The following PRKCB variants were observed in gnomAD, a reference collection of about 807,000 sequenced individuals.
The protein encoded by PRKCB is protein kinase C beta.
PRKCB carries 13 observed loss-of-function variants against 81.5 expected under a neutral mutation model. The ratio of observed to expected loss-of-function variants is 0.16; its 90% CI spans 0.10 to 0.25. PRKCB has a LOEUF of 0.25. Among genes scored for constraint, PRKCB ranks in the 10% least tolerant of loss-of-function variants. The pLI is 1.00. For missense variants in PRKCB, 509 were observed against 875.7 expected (o/e 0.58, Z 5.29); for synonymous variants, 335 against 321.4 (o/e 1.04, Z -0.45).
intron 5 of PRKCB, among the ~76,000 whole-genome samples, chr16:24,062,108 T>A (rs969066139): frequency 6.6e-6 from 1 of 152,184 alleles, no homozygotes; most frequent in Non-Finnish European, 1.5e-5. Flanking sequence ...ACTAATTGTA[T>A]CAGTAAGCAT....
At chr16:24,035,274 G>A in intron 4 of PRKCB, 145 bp from the exon 5 acceptor site, 2 of 1,012,776 alleles carry the variant, frequency 2.0e-6, no homozygotes, top group South Asian at 1.6e-5. Flanking sequence ...ATCCTGGCAG[G>A]CAAGTTGGTC....
intron 10 of PRKCB, among the ~76,000 whole-genome samples, chr16:24,171,075 T>G (rs534309461): frequency 1.3e-5 from 2 of 152,364 alleles, no homozygotes; most frequent in East Asian, 1.9e-4. Context: ...GGTGAGTACC[T>G]CAAAATTCAG....
At chr16:24,204,573 G>T (rs1252305790) in intron 16 of PRKCB, among the ~76,000 whole-genome samples, 2 of 152,094 alleles carry the variant, frequency 1.3e-5, no homozygotes, top group Non-Finnish European at 2.9e-5. Context: ...CAACAATGTG[G>T]GTTTAGGATG....
chr16:24,126,907 A>G (rs1430301903), intron 9 of PRKCB, among the ~76,000 whole-genome samples: 1 of 151,972 alleles, frequency 6.6e-6, no homozygotes, highest in Non-Finnish European at 1.5e-5. Context: ...TTATAAGCTC[A>G]AGCAATCATC....
At chr16:23,942,690 C>T (rs184378024) in intron 2 of PRKCB, among the ~76,000 whole-genome samples, 10 of 152,278 alleles carry the variant, frequency 6.6e-5, no homozygotes, top group African/African-American at 2.2e-4. Flanking sequence ...ATGAAAAATA[C>T]GAAAGCATGT....
In PRKCB at chr16:24,217,391, A is replaced by G; in HGVS notation, c.*2575A>G. 3 of 985,446 alleles carry G rather than the reference A, an allele frequency of 3.0e-6. No homozygotes were observed. The highest frequency in any genetic ancestry group is 3.6e-6 in the Non-Finnish European group (3 of 829,930). 61.0% of individuals were successfully genotyped at this position (985,446 alleles called of 1,614,324 possible). On this transcript the variant is annotated 3_prime_UTR_variant, in exon 17 of 17. Coordinates refer to ENST00000643927, the MANE Select transcript of PRKCB (RefSeq NM_002738.7). ...AAACAGAGCTTTTTGAAGAGAGGAC[A>G]GGGCCATAGCAACAAGGACCTTCTT... is the stretch of plus-strand genomic sequence containing the variant.
chr16:23,973,681 TA>T (rs575244505), intron 2 of PRKCB, among the ~76,000 whole-genome samples: 2 of 152,068 alleles, frequency 1.3e-5, no homozygotes, highest in East Asian at 1.9e-4. Context: ...GAAAATAATA[TA>T]TTTTTTTTCT....
At chr16:23,959,516 C>T (rs114085398) in intron 2 of PRKCB, among the ~76,000 whole-genome samples, 30 of 152,290 alleles carry the variant, frequency 2.0e-4, no homozygotes, top group African/African-American at 6.5e-4. Flanking sequence ...TTCACAAAGG[C>T]AGGGGTGGAG....
intron 10 of PRKCB, among the ~76,000 whole-genome samples, chr16:24,158,925 T>C (rs113332608): frequency 0.015 from 2,250 of 152,272 alleles, 46 homozygotes; most frequent in African/African-American, 0.052. Flanking sequence ...CCTCCCAAAG[T>C]GCTGGGATTA....
intron 5 of PRKCB, among the ~76,000 whole-genome samples, chr16:24,045,191 A>T (rs1965749518): frequency 6.6e-6 from 1 of 152,200 alleles, no homozygotes; most frequent in South Asian, 2.1e-4. Context: ...TAGCAGAAAA[A>T]AAAAATGAAT....
intron 3 of PRKCB, among the ~76,000 whole-genome samples, chr16:24,002,202 C>T (rs187031034): frequency 0.011 from 1,737 of 152,174 alleles, 13 homozygotes; most frequent in Non-Finnish European, 0.02. Context: ...TCGATCTGGG[C>T]ATTTCATTTT....
chr16:23,989,158 G>C (rs1964842288), intron 3 of PRKCB, among the ~76,000 whole-genome samples: 1 of 152,106 alleles, frequency 6.6e-6, no homozygotes, highest in Non-Finnish European at 1.5e-5. Context: ...GTAGAGACGG[G>C]GTTTCACCGT....
rs377250450 is a variant in PRKCB at position 24,070,560 on chromosome 16, G to T, written c.530-22231G>T. Among the ~76,000 whole-genome samples the T allele has an allele frequency of 3.0e-3, 456 of 152,282 alleles. 1 individual carries two copies. Among genetic ancestry groups the T allele is most frequent in the Non-Finnish European group, 5.1e-3 (349 of 68,032 alleles). On this transcript the variant is annotated intron_variant, in intron 5 of 16. Transcript: ENST00000643927. ...AGAACAGAATAATAATAATGACTAG[G>T]AGTTGTTGAGTGTAAAATAGGTTGC...
intron 2 of PRKCB, among the ~76,000 whole-genome samples, chr16:23,873,628 A>G (rs900841520): frequency 6.6e-6 from 1 of 152,208 alleles, no homozygotes; most frequent in East Asian, 1.9e-4. Context: ...TCTTAAGTCT[A>G]ATTCCAAACT....
chr16:24,189,942 T>G (rs1416097627), intron 15 of PRKCB, among the ~76,000 whole-genome samples: 1 of 152,190 alleles, frequency 6.6e-6, no homozygotes, highest in Non-Finnish European at 1.5e-5. Flanking sequence ...TTTTTTTAAT[T>G]AATCACCAAC....
intron 2 of PRKCB, among the ~76,000 whole-genome samples, chr16:23,868,651 G>A (rs914625608): frequency 1.3e-5 from 2 of 152,184 alleles, no homozygotes; most frequent in African/African-American, 2.4e-5. Flanking sequence ...TTAATGTCTT[G>A]ATATCAATTA....
chr16:23,935,810 A>C (rs142433378), intron 2 of PRKCB, among the ~76,000 whole-genome samples: 428 of 152,130 alleles, frequency 2.8e-3, no homozygotes, highest in African/African-American at 9.8e-3. Flanking sequence ...CTCACTGATA[A>C]GGGAGAGCTA....
chr16:24,148,978 C>T (rs1415752716), intron 9 of PRKCB, among the ~76,000 whole-genome samples: 3 of 152,184 alleles, frequency 2.0e-5, no homozygotes, highest in African/African-American at 4.8e-5. Flanking sequence ...CCTATATTAT[C>T]TGTCATGGTT....
chr16:23,967,468 T>G (rs1472681636), intron 2 of PRKCB, among the ~76,000 whole-genome samples: 1 of 152,064 alleles, frequency 6.6e-6, no homozygotes, highest in Non-Finnish European at 1.5e-5. Context: ...CTTTTCAAAG[T>G]GGAGAAGTAA....
Sources: gnomAD v4.1 joint callset for allele counts (sites outside exome capture counted in the v4.1 genomes callset) on GRCh38, gnomAD v4.1.1 for gene constraint, MANE v1.5 for transcripts, NCBI Gene and HGNC (gene_info 2026-07-23, HGNC 2026-07-21) for gene names.